ZNF184: variants seen among roughly 807,000 people sequenced by gnomAD.
The protein encoded by ZNF184 is zinc finger protein 184 (Kruppel-like).
In ZNF184, 16 loss-of-function variants were observed where a neutral mutation model predicts 54.4. The observed-to-expected ratio is 0.29, with a 90% CI of 0.20 to 0.45. ZNF184 has a LOEUF of 0.45. Ranked by LOEUF, ZNF184 falls within the 20% of genes least tolerant of loss-of-function variation. The probability of loss-of-function intolerance (pLI) is 1.00; values close to 1 mark genes in which losing one functional copy is unlikely to be tolerated. For synonymous variants in ZNF184, 254 were observed against 295.3 expected, an observed-to-expected ratio of 0.86 and a Z score of 1.43; for missense variants, 681 against 888.2, an observed-to-expected ratio of 0.77 and a Z score of 2.97.
chr6:27,472,565 G>A lies in ZNF184; in HGVS notation c.-139-132C>T, dbSNP rs1275157562. The A allele has an allele frequency of 1.3e-5, 6 of 451,970 alleles. No homozygotes were observed. The highest frequency in any genetic ancestry group is 2.4e-5 in the Non-Finnish European group (6 of 247,958). The allele number at this position is 451,970 out of a possible 1,614,324, so 28.0% of individuals were successfully genotyped here. A position where few individuals can be genotyped will look rare whatever the true frequency, so the allele number is the denominator to read the frequency against. On this transcript the variant is annotated intron_variant, in intron 1 of 5. Coordinates refer to ENST00000683788, the MANE Select transcript of ZNF184 (RefSeq NM_001318891.2). The surrounding 1 kb of genome is among the most constrained non-coding windows in gnomAD (Gnocchi z 4.8). ...CTAGAGAGGTGTGTGGCACTCCGAT[G>A]AACAAAACAGAGTGGAGATCGGGTA...
chr6:27,440,542 T>C, the ZNF184 span, among the ~76,000 whole-genome samples: 1 of 152,336 alleles, frequency 6.6e-6, no homozygotes, highest in African/African-American at 2.4e-5. Flanking sequence ...ACTGACACAA[T>C]GAAGAAATTT....
downstream of ZNF184, among the ~76,000 whole-genome samples, chr6:27,450,581 T>C (rs1201225679): frequency 6.6e-6 from 1 of 151,980 alleles, no homozygotes; most frequent in East Asian, 1.9e-4. Context: ...TTAAACAAAT[T>C]TCTATTGTTT....
chr6:27,466,600 A>G (rs181767652), intron 3 of ZNF184, among the ~76,000 whole-genome samples: 52 of 152,288 alleles, frequency 3.4e-4, no homozygotes, highest in Admixed American at 2.2e-3. Flanking sequence ...TGGTTTCATG[A>G]ATGTATACAT....
In ZNF184 at chr6:27,452,004, G is replaced by C; in HGVS notation, c.1555C>G (p.Gln519Glu). 3.7e-6 allele frequency: 6 copies of C among 1,613,898 alleles called. No individual in the cohort carries two copies. The highest frequency in any genetic ancestry group is 2.5e-6 in the Non-Finnish European group (3 of 1,180,014). ...TCTTGAGTATGAGTTTTCTGATGCT[G>C]ATTAAGGTTTGAGAGATAACTGAAA... ...KAFSYLSNLN[Q>E]HQKTHTQEKA... is the part of the protein sequence containing the mutation. Residue 519 changes from glutamine to glutamate, a missense_variant, in exon 6 of 6, where the codon CAG (glutamine) becomes GAG (glutamate). Physicochemically the swap from Gln to Glu is conservative, Grantham distance 29 (BLOSUM62 2). Transcript: ENST00000683788. This position sits in a 1 kb window ranked among gnomAD's most constrained non-coding sequence, Gnocchi z 5.5.
downstream of ZNF184, among the ~76,000 whole-genome samples, chr6:27,447,026 T>C (rs1466208024): frequency 7.2e-6 from 1 of 137,948 alleles, no homozygotes; most frequent in African/African-American, 2.8e-5. Flanking sequence ...GTGCCTGTAA[T>C]CCCAGCTACT....
chr6:27,414,450 T>C, the ZNF184 span, among the ~76,000 whole-genome samples: 1 of 152,172 alleles, frequency 6.6e-6, no homozygotes, highest in Non-Finnish European at 1.5e-5. Context: ...CTTCATGACC[T>C]CTTGAGTCTA....
chr6:27,472,236 G>A lies in ZNF184; in HGVS notation c.7+52C>T. On this transcript the variant is annotated intron_variant, in intron 2 of 5. Coordinates refer to ENST00000683788, the MANE Select transcript of ZNF184 (RefSeq NM_001318891.2). The surrounding 1 kb of genome is among the most constrained non-coding windows in gnomAD (Gnocchi z 4.8). ...CTCAAGTATTTGATACTCCAGTCAT[G>A]ACTGTTCTCAAGCCTCCATCACCCC... 7 of 1,611,894 alleles carry A rather than the reference G, an allele frequency of 4.3e-6. No homozygotes were observed. The highest frequency in any genetic ancestry group is 5.9e-6 in the Non-Finnish European group (7 of 1,178,522).
At chr6:27,409,275 G>A in the ZNF184 span, among the ~76,000 whole-genome samples, 174 of 152,082 alleles carry the variant, frequency 1.1e-3, no homozygotes, top group Admixed American at 3.5e-3. Flanking sequence ...CGAGGCGGGC[G>A]GATCACAAGG....
the ZNF184 span, chr6:27,404,804 G>T: frequency 6.6e-6 from 1 of 152,086 alleles, no homozygotes; most frequent in African/African-American, 2.4e-5. Context: ...ATCACCTGAG[G>T]TCAGGAGTTC....
chr6:27,444,342 T>C, the ZNF184 span, among the ~76,000 whole-genome samples: 3 of 152,118 alleles, frequency 2.0e-5, no homozygotes, highest in Non-Finnish European at 4.4e-5. Context: ...ACCCTTCTGC[T>C]TGTGGCCTGA....
chr6:27,452,143 T>C lies in ZNF184; in HGVS notation c.1416A>G (p.Lys472=). Residue 472 remains lysine (K), a synonymous_variant, in exon 6 of 6, where the codon AAA becomes AAG. Coordinates refer to ENST00000683788, the MANE Select transcript of ZNF184 (RefSeq NM_001318891.2). This position sits in a 1 kb window ranked among gnomAD's most constrained non-coding sequence, Gnocchi z 5.5. ...AQHLKIHTGE[K]PYKCNECGKA... Reference sequence around the variant, plus strand: ...TTCCACATTCATTGCATTTGTAAGGTTTTTCTCCAGTATGAATTTTCAGGT... The same window carrying C: ...TTCCACATTCATTGCATTTGTAAGGCTTTTCTCCAGTATGAATTTTCAGGT... 1 of 1,614,080 alleles carries C rather than the reference T, an allele frequency of 6.2e-7. No homozygotes were observed. Among genetic ancestry groups the C allele is most frequent in the Non-Finnish European group, 8.5e-7 (1 of 1,180,002 alleles).
chr6:27,407,507 G>A, the ZNF184 span, among the ~76,000 whole-genome samples: 121 of 152,324 alleles, frequency 7.9e-4, no homozygotes, highest in African/African-American at 2.7e-3. Context: ...AGCAGCGCCT[G>A]CACAAGAGCC....
chr6:27,423,958 T>C, the ZNF184 span, among the ~76,000 whole-genome samples: 2 of 152,044 alleles, frequency 1.3e-5, no homozygotes, highest in Non-Finnish European at 1.5e-5. Flanking sequence ...ATTGTAAAAT[T>C]ATTTTATTAG....
the ZNF184 span, among the ~76,000 whole-genome samples, chr6:27,412,009 C>T: frequency 6.6e-6 from 1 of 152,204 alleles, no homozygotes; most frequent in African/African-American, 2.4e-5. Flanking sequence ...TGGCCCGTCA[C>T]GCCCCCAGTA....
At chr6:27,427,706 G>A in the ZNF184 span, among the ~76,000 whole-genome samples, 2 of 152,124 alleles carry the variant, frequency 1.3e-5, no homozygotes, top group Non-Finnish European at 2.9e-5. Flanking sequence ...CATTCTGTTG[G>A]CACCACAAAC....
the ZNF184 span, among the ~76,000 whole-genome samples, chr6:27,430,609 A>T: frequency 6.6e-6 from 1 of 152,150 alleles, no homozygotes; most frequent in South Asian, 2.1e-4. Context: ...GGCAACTACC[A>T]CAAGCTGGAA....
At chr6:27,416,846 T>C in the ZNF184 span, among the ~76,000 whole-genome samples, 1 of 152,210 alleles carries the variant, frequency 6.6e-6, no homozygotes, top group Non-Finnish European at 1.5e-5. Context: ...CAGCATCCTA[T>C]TGCAGTAGGG....
chr6:27,411,010 G>T, the ZNF184 span, among the ~76,000 whole-genome samples: 1 of 152,138 alleles, frequency 6.6e-6, no homozygotes, highest in Non-Finnish European at 1.5e-5. Flanking sequence ...TGGTGTCTTT[G>T]TGCTACTACA....
chr6:27,405,305 C>CA, the ZNF184 span: 1 of 152,278 alleles, frequency 6.6e-6, no homozygotes, highest in African/African-American at 2.4e-5. Context: ...GAAGGCTTTC[C>CA]AGTCAGCTAA....
Sources: allele counts gnomAD v4.1 joint callset (sites outside exome capture counted in the v4.1 genomes callset), GRCh38; gene constraint gnomAD v4.1.1; non-coding constraint Gnocchi (gnomAD v3.1); transcripts MANE v1.5; gene names NCBI Gene and HGNC (gene_info 2026-07-23, HGNC 2026-07-21).